Variants in XRN2 observed in about 807,000 individuals in gnomAD.
The protein encoded by XRN2 is DHM1-like protein.
XRN2 carries 44 observed loss-of-function variants against 138.5 expected under a neutral mutation model. The observed-to-expected ratio is 0.32, with a 90% CI of 0.25 to 0.41. The LOEUF (loss-of-function observed/expected upper bound fraction) is 0.41, where lower values mean the gene tolerates loss of function less well. XRN2 is among the 10% of genes least tolerant of loss of function. The pLI is 1.00. For missense variants in XRN2, 937 were observed against 1,169.3 expected, an observed-to-expected ratio of 0.80 and a Z score of 2.90; for synonymous variants, 354 against 369.4, an observed-to-expected ratio of 0.96 and a Z score of 0.48.
At chr20:21,323,743 C>T (rs1163583124) in intron 1 of XRN2, among the ~76,000 whole-genome samples, 2 of 152,150 alleles carry the variant, frequency 1.3e-5, no homozygotes, top group South Asian at 2.1e-4. Context: ...CATGTAGCTC[C>T]ACTCCATATG....
In XRN2 at chr20:21,368,565, A is replaced by G; in HGVS notation, c.2559A>G (p.Gln853=). ...GNLYRPLLRG[Q]AQIPKLMSNM... ...TATACAGGCCGCTTTTGAGAGGACAAGCCCAGATTCCAAAACTTATGTCAA... is the reference window on the plus strand; with the variant it reads ...TATACAGGCCGCTTTTGAGAGGACAGGCCCAGATTCCAAAACTTATGTCAA... The change falls in exon 27 of 30, where the codon CAA becomes CAG. Residue 853 remains glutamine (Q), a synonymous_variant. Transcript: ENST00000377191. 1 of 1,614,050 alleles carries G rather than the reference A, an allele frequency of 6.2e-7. No homozygotes were observed. Among genetic ancestry groups the G allele is most frequent in the Non-Finnish European group, 8.5e-7 (1 of 1,179,932 alleles).
Position 21,354,887 on chromosome 20 carries a change from T to A in XRN2, c.2020+15T>A. 1 of 1,603,548 alleles carries A rather than the reference T, an allele frequency of 6.2e-7. No homozygotes were observed. The highest frequency in any genetic ancestry group is 8.5e-7 in the Non-Finnish European group (1 of 1,171,854). On this transcript the variant is annotated intron_variant, in intron 21 of 29. Coordinates refer to ENST00000377191, the MANE Select transcript of XRN2 (RefSeq NM_012255.5). ...TCCAGAAGAGAGTAAGAATTATACT[T>A]CTTAGTTAACATTGATCTGTGTAAT...
In XRN2 at chr20:21,346,401, G is replaced by A; in HGVS notation, c.1530-14G>A. On this transcript the variant is annotated splice_polypyrimidine_tract_variant and intron_variant, in intron 16 of 29. Coordinates refer to ENST00000377191, the MANE Select transcript of XRN2 (RefSeq NM_012255.5). The stretch of plus-strand genomic sequence containing the variant: ...TGTGTTAATTCAGCATAAATGAGCT[G>A]TGCCTGGTTTTAGGTTATGGGAAGC... 6.2e-7 allele frequency: 1 copy of A among 1,613,916 alleles called. No individual in the cohort carries two copies. Among genetic ancestry groups the A allele is most frequent in the Non-Finnish European group, 8.5e-7 (1 of 1,179,856 alleles).
At chr20:21,365,163 G>A (rs975800476) in intron 24 of XRN2, among the ~76,000 whole-genome samples, 1 of 152,038 alleles carries the variant, frequency 6.6e-6, no homozygotes, top group Non-Finnish European at 1.5e-5. Flanking sequence ...AATTTGAGTT[G>A]GGGCAATGTC....
chr20:21,359,754 T>G lies in XRN2; in HGVS notation c.2255+1962T>G, dbSNP rs537396321. On this transcript the variant is annotated intron_variant, in intron 24 of 29. Coordinates refer to ENST00000377191, the MANE Select transcript of XRN2 (RefSeq NM_012255.5). ...TTACAGCAGGTTTTTGCATGTTTGT[T>G]TTAGGGCTTGTTGTACATTCCAGTG... is the stretch of plus-strand genomic sequence containing the variant. Among the ~76,000 whole-genome samples, 117 of 152,252 alleles carry G rather than the reference T, an allele frequency of 7.7e-4. 2 individuals carry two copies. Among genetic ancestry groups the G allele is most frequent in the South Asian group, 1.2e-3 (6 of 4,822 alleles).
chr20:21,331,944 G>C, intron 8 of XRN2, 126 bp downstream of exon 8: 1 of 1,004,468 alleles, frequency 1.0e-6, no homozygotes, highest in Admixed American at 2.3e-5. Flanking sequence ...TTTTATGTTC[G>C]ACAGGGAACT....
chr20:21,352,302 T>A (rs2038519412), intron 20 of XRN2, among the ~76,000 whole-genome samples: 1 of 152,140 alleles, frequency 6.6e-6, no homozygotes, highest in Non-Finnish European at 1.5e-5. Flanking sequence ...TCAACATTTT[T>A]AAATGTGTGC....
intron 20 of XRN2, among the ~76,000 whole-genome samples, chr20:21,350,308 C>T (rs1162923553): frequency 6.6e-6 from 1 of 151,930 alleles, no homozygotes; most frequent in African/African-American, 2.4e-5. Flanking sequence ...GGGCGGATCA[C>T]GAGGTCAGGA....
At chr20:21,322,574 A>C (rs964696260) in intron 1 of XRN2, among the ~76,000 whole-genome samples, 1 of 152,224 alleles carries the variant, frequency 6.6e-6, no homozygotes. Context: ...AGGTTTAAAC[A>C]AAAACAATGC....
intron 26 of XRN2, 47 bp from the exon 27 acceptor site, chr20:21,368,416 G>C: frequency 1.2e-6 from 2 of 1,609,812 alleles, no homozygotes; most frequent in Non-Finnish European, 1.7e-6. Flanking sequence ...GTTATGATGG[G>C]TATATCACTA....
At chr20:21,341,532 G>C (rs941808018) in intron 15 of XRN2, among the ~76,000 whole-genome samples, 3 of 152,146 alleles carry the variant, frequency 2.0e-5, no homozygotes, top group African/African-American at 7.2e-5. Context: ...CTGCAAGGCT[G>C]TACTTTGTCC....
intron 13 of XRN2, among the ~76,000 whole-genome samples, chr20:21,336,227 A>G (rs1019635422): frequency 6.6e-6 from 1 of 152,246 alleles, no homozygotes; most frequent in African/African-American, 2.4e-5. Flanking sequence ...TGGGAGGCTA[A>G]GGTGGGCAGA....
intron 27 of XRN2, among the ~76,000 whole-genome samples, chr20:21,374,563 TTTG>T (rs1344224665): frequency 2.6e-5 from 4 of 152,134 alleles, no homozygotes; most frequent in Non-Finnish European, 5.9e-5. Flanking sequence ...GGGGGTTTTG[TTTG>T]TTGTTTTTTC....
chr20:21,355,689 C>A (rs1294603405), intron 21 of XRN2, among the ~76,000 whole-genome samples: 1 of 151,860 alleles, frequency 6.6e-6, no homozygotes, highest in African/African-American at 2.4e-5. Context: ...TTAGATCTAT[C>A]ACTATAATTA....
chr20:21,363,501 C>T (rs1000267448), intron 24 of XRN2, among the ~76,000 whole-genome samples: 3 of 152,214 alleles, frequency 2.0e-5, no homozygotes, highest in African/African-American at 7.2e-5. Flanking sequence ...TCCTACCTTG[C>T]CCTGCCCCAT....
Position 21,330,514 on chromosome 20 carries a change from G to T in XRN2, c.461G>T (p.Arg154Ile). Reference sequence around the variant, plus strand: ...CTTCCTCCAGAAGAAATAAAAGAAAGATTTGACAGCAACTGTATTACACCA... The same window carrying T: ...CTTCCTCCAGAAGAAATAAAAGAAATATTTGACAGCAACTGTATTACACCA... ...GFLPPEEIKERFDSNCITPGT... is the reference protein window; with the variant it reads ...GFLPPEEIKEIFDSNCITPGT... Residue 154 changes from arginine (R) to isoleucine (I), a missense_variant, in exon 5 of 30, where the codon AGA becomes ATA. Arg to Ile is a moderately conservative substitution (Grantham distance 97). Around this residue, in one of 6 missense-constraint regions of XRN2, gnomAD observed 471 missense variants for 581.2 expected, o/e 0.81. Transcript: ENST00000377191. The T allele has an allele frequency of 2.5e-6, 4 of 1,613,798 alleles. No individual in the cohort carries two copies. The highest frequency in any genetic ancestry group is 3.4e-6 in the Non-Finnish European group (4 of 1,179,924).
chr20:21,331,988 A>T (rs890061791), intron 8 of XRN2, among the ~76,000 whole-genome samples, 170 bp downstream of exon 8: 5 of 152,146 alleles, frequency 3.3e-5, no homozygotes, highest in African/African-American at 9.7e-5. Context: ...GTGGTCAATG[A>T]TCTTTAATTT....
chr20:21,349,158 G>A (rs553838174), intron 19 of XRN2, among the ~76,000 whole-genome samples: 1 of 152,220 alleles, frequency 6.6e-6, no homozygotes, highest in East Asian at 1.9e-4. Context: ...GCCCATAGTT[G>A]TCAATTCTAA....
intron 24 of XRN2, among the ~76,000 whole-genome samples, chr20:21,358,158 A>G (rs1273259422): frequency 2.0e-5 from 3 of 152,176 alleles, no homozygotes; most frequent in Non-Finnish European, 4.4e-5. Context: ...ACAACAGACT[A>G]TTTTACTTAT....
Sources: allele counts gnomAD v4.1 joint callset (sites outside exome capture counted in the v4.1 genomes callset), GRCh38; gene constraint gnomAD v4.1.1; regional missense constraint gnomAD v4.1.1; transcripts MANE v1.5; gene names NCBI Gene and HGNC (gene_info 2026-07-23, HGNC 2026-07-21).